Variants in NOL4 observed in about 807,000 individuals in gnomAD.
NOL4 encodes the protein cancer/testis antigen 125.
NOL4 carries 17 observed loss-of-function variants against 75.9 expected under a neutral mutation model. That is an observed-to-expected ratio of 0.22 (90% CI 0.15 to 0.34). The LOEUF (loss-of-function observed/expected upper bound fraction) is 0.34, where lower values mean the gene tolerates loss of function less well. NOL4 is among the 10% of genes least tolerant of loss of function. The pLI, the probability that NOL4 is intolerant of heterozygous loss-of-function variation, is 1.00. For synonymous variants in NOL4, 292 were observed against 289.9 expected, an observed-to-expected ratio of 1.01 and a Z score of -0.07; for missense variants, 614 against 793.5, an observed-to-expected ratio of 0.77 and a Z score of 2.72.
chr18:34,026,440 C>A (rs1048715584), intron 5 of NOL4, among the ~76,000 whole-genome samples: 22 of 152,304 alleles, frequency 1.4e-4, no homozygotes, highest in African/African-American at 5.3e-4. Context: ...TATTCCCTGG[C>A]CCTTCCACTG....
chr18:33,912,238 C>A (rs1340141532), intron 9 of NOL4, among the ~76,000 whole-genome samples: 1 of 151,924 alleles, frequency 6.6e-6, no homozygotes, highest in Non-Finnish European at 1.5e-5. Context: ...CATTCTCAAT[C>A]TTTTTGTAAA....
chr18:34,017,984 T>C (rs1001853029), intron 6 of NOL4, among the ~76,000 whole-genome samples: 6 of 152,106 alleles, frequency 3.9e-5, no homozygotes, highest in African/African-American at 9.7e-5. Flanking sequence ...TTCTGTCTAA[T>C]ATGTGCAAGA....
chr18:33,883,521 T>G, intron 9 of NOL4, 97 bp from the exon 10 acceptor site: 4 of 820,864 alleles, frequency 4.9e-6, no homozygotes, highest in Non-Finnish European at 7.0e-6. Flanking sequence ...CTGCATTGAA[T>G]AAGAAAAAAT....
intron 10 of NOL4, among the ~76,000 whole-genome samples, chr18:33,860,037 G>A (rs761180656): frequency 2.6e-5 from 4 of 152,150 alleles, no homozygotes; most frequent in Non-Finnish European, 5.9e-5. Flanking sequence ...TTACAGTCAT[G>A]GCAGAGGGAA....
At chr18:33,926,788 C>T (rs1399790228) in intron 9 of NOL4, among the ~76,000 whole-genome samples, 9 of 152,106 alleles carry the variant, frequency 5.9e-5, no homozygotes, top group Admixed American at 2.6e-4. Flanking sequence ...TTAGTAGAGA[C>T]GGGGTTTCAC....
At chr18:33,873,302 G>T (rs2063783776) in intron 10 of NOL4, among the ~76,000 whole-genome samples, 3 of 151,854 alleles carry the variant, frequency 2.0e-5, no homozygotes, top group Non-Finnish European at 2.9e-5. Flanking sequence ...GGATGACAAT[G>T]GTTCCCTCCC....
chr18:34,036,882 A>G (rs1330114451), intron 5 of NOL4, among the ~76,000 whole-genome samples: 1 of 152,214 alleles, frequency 6.6e-6, no homozygotes, highest in African/African-American at 2.4e-5. Flanking sequence ...CAGTTAGCCA[A>G]GATTGTGCCA....
intron 1 of NOL4, among the ~76,000 whole-genome samples, chr18:34,190,507 A>T: frequency 6.6e-6 from 1 of 151,958 alleles, no homozygotes; most frequent in East Asian, 1.9e-4. Flanking sequence ...TCCTTTATAT[A>T]TGAAGGTAGA....
At chr18:34,058,002 A>T (rs2076901743) in intron 5 of NOL4, among the ~76,000 whole-genome samples, 1 of 151,884 alleles carries the variant, frequency 6.6e-6, no homozygotes, top group African/African-American at 2.4e-5. Flanking sequence ...CATAAATGTC[A>T]TTTCTCCCAT....
chr18:34,097,064 A>G (rs2078820108), intron 4 of NOL4, among the ~76,000 whole-genome samples: 1 of 152,110 alleles, frequency 6.6e-6, no homozygotes, highest in Non-Finnish European at 1.5e-5. Flanking sequence ...CTCCCAGTTA[A>G]CTTATCCACA....
At chr18:34,161,925 G>C (rs911463725) in intron 1 of NOL4, among the ~76,000 whole-genome samples, 3 of 152,038 alleles carry the variant, frequency 2.0e-5, no homozygotes, top group African/African-American at 4.8e-5. Context: ...ATGTGATTCA[G>C]TAAATAGGAG....
At chr18:34,057,939 G>A (rs530130166) in intron 5 of NOL4, among the ~76,000 whole-genome samples, 4 of 152,228 alleles carry the variant, frequency 2.6e-5, no homozygotes, top group African/African-American at 9.6e-5. Flanking sequence ...AATTGTAAAT[G>A]ACTTTTTTGC....
chr18:34,137,071 A>G (rs1292653522), intron 1 of NOL4, among the ~76,000 whole-genome samples: 2 of 152,130 alleles, frequency 1.3e-5, no homozygotes, highest in African/African-American at 2.4e-5. Flanking sequence ...GAATTTAACA[A>G]ATAATGCCAG....
At chr18:34,161,702 T>C (rs1355568115) in intron 1 of NOL4, among the ~76,000 whole-genome samples, 6 of 152,170 alleles carry the variant, frequency 3.9e-5, no homozygotes, top group African/African-American at 1.2e-4. Context: ...TATTTCTTTT[T>C]ATGCTGTTGA....
intron 4 of NOL4, among the ~76,000 whole-genome samples, chr18:34,098,714 A>T: frequency 6.6e-6 from 1 of 152,220 alleles, no homozygotes; most frequent in East Asian, 1.9e-4. Flanking sequence ...TGCTTAAAAA[A>T]ACAAATAGTT....
At chr18:33,895,724 C>T (rs552392805) in intron 9 of NOL4, among the ~76,000 whole-genome samples, 1 of 152,184 alleles carries the variant, frequency 6.6e-6, no homozygotes, top group Admixed American at 6.5e-5. Context: ...ACGCTGGAAG[C>T]ATTTCTTTTG....
chr18:33,942,161 C>T (rs2068533483), intron 9 of NOL4, among the ~76,000 whole-genome samples: 1 of 151,948 alleles, frequency 6.6e-6, no homozygotes, highest in East Asian at 1.9e-4. Flanking sequence ...TCCATTGGCT[C>T]ACTGTAGAAT....
At chr18:34,009,073 T>G (rs2074223769) in intron 6 of NOL4, among the ~76,000 whole-genome samples, 1 of 151,874 alleles carries the variant, frequency 6.6e-6, no homozygotes, top group African/African-American at 2.4e-5. Flanking sequence ...GATTTTTTTT[T>G]TTTTCTAGCT....
chr18:34,133,581 T>G (rs2080759392), intron 1 of NOL4, among the ~76,000 whole-genome samples: 1 of 152,132 alleles, frequency 6.6e-6, no homozygotes, highest in Non-Finnish European at 1.5e-5. Context: ...AATTGATTTA[T>G]TGGAATAATA....
Sources: gnomAD v4.1 joint callset for allele counts (sites outside exome capture counted in the v4.1 genomes callset) on GRCh38, gnomAD v4.1.1 for gene constraint, MANE v1.5 for transcripts, NCBI Gene and HGNC (gene_info 2026-07-23, HGNC 2026-07-21) for gene names.